Variants in DPP6 observed in about 807,000 individuals in gnomAD.
DPP6 encodes A-type potassium channel modulatory protein DPP6.
DPP6 carries 69 observed loss-of-function variants against 122.6 expected under a neutral mutation model. The observed-to-expected ratio is 0.56, with a 90% CI of 0.46 to 0.69. The LOEUF (loss-of-function observed/expected upper bound fraction) is 0.69, where lower values mean the gene tolerates loss of function less well. Ranked by LOEUF, DPP6 falls within the 30% of genes least tolerant of loss-of-function variation. The pLI, the probability that DPP6 is intolerant of heterozygous loss-of-function variation, is 0.00. For missense variants in DPP6, 928 were observed against 1,116.9 expected (o/e 0.83, Z 2.41); for synonymous variants, 418 against 433.1 (o/e 0.97, Z 0.43).
At chr7:154,509,587 CAT>C (rs1458998387) in intron 3 of DPP6, among the ~76,000 whole-genome samples, 6 of 152,234 alleles carry the variant, frequency 3.9e-5, no homozygotes, top group Non-Finnish European at 5.9e-5. Flanking sequence ...GACAAATAAA[CAT>C]AGAGTTATCC....
intron 1 of DPP6, among the ~76,000 whole-genome samples, chr7:153,907,427 T>A (rs746777718): frequency 6.6e-6 from 1 of 152,152 alleles, no homozygotes; most frequent in Non-Finnish European, 1.5e-5. Flanking sequence ...AGATTAGAAG[T>A]TGTATTGGTA....
At chr7:154,019,073 A>G (rs1563105309) in intron 1 of DPP6, among the ~76,000 whole-genome samples, 1 of 152,230 alleles carries the variant, frequency 6.6e-6, no homozygotes, top group Non-Finnish European at 1.5e-5. Flanking sequence ...CATGTTTGCT[A>G]TCTGTGATGC....
chr7:154,563,449 G>A (rs1389545831), intron 4 of DPP6, among the ~76,000 whole-genome samples: 1 of 152,228 alleles, frequency 6.6e-6, no homozygotes, highest in Non-Finnish European at 1.5e-5. Context: ...ACATATTTGA[G>A]AGATGGCCCT....
rs569246474 is a variant in DPP6, at chr7:154,363,610, G to A, written c.244-82604G>A. On this transcript the variant is annotated intron_variant, in intron 1 of 25. Transcript: ENST00000377770. ...TGATTGGTCCCCTCTGTCTGAGCACGTGCGCGGAAAACCATGCTCCGTGGG... is the reference window on the plus strand; with the variant it reads ...TGATTGGTCCCCTCTGTCTGAGCACATGCGCGGAAAACCATGCTCCGTGGG... Among the ~76,000 whole-genome samples, 137 of 152,280 alleles carry A rather than the reference G, an allele frequency of 9.0e-4. 1 individual carries two copies. The highest frequency in any genetic ancestry group is 3.1e-3 in the African/African-American group (130 of 41,566).
intron 1 of DPP6, among the ~76,000 whole-genome samples, chr7:154,394,872 G>A (rs943473696): frequency 3.3e-5 from 5 of 152,088 alleles, no homozygotes; most frequent in Admixed American, 1.3e-4. Context: ...ATGATTTTAG[G>A]ACTTTTAACA....
chr7:154,025,079 A>G (rs1798903686), intron 1 of DPP6, among the ~76,000 whole-genome samples: 1 of 152,234 alleles, frequency 6.6e-6, no homozygotes, highest in African/African-American at 2.4e-5. Flanking sequence ...TGTCAATTCT[A>G]GAACTCCTTT....
intron 1 of DPP6, among the ~76,000 whole-genome samples, chr7:154,192,249 C>A (rs1477979449): frequency 6.6e-6 from 1 of 152,212 alleles, no homozygotes; most frequent in Non-Finnish European, 1.5e-5. Context: ...CCCAATTGTA[C>A]AACGTCTTGA....
the DPP6 span, among the ~76,000 whole-genome samples, chr7:153,801,566 G>A: frequency 1.3e-5 from 2 of 152,116 alleles, no homozygotes; most frequent in East Asian, 1.9e-4. Flanking sequence ...AGGAAAGGGG[G>A]CCACTCCAGC....
At position 154,381,437 on chromosome 7, in the gene DPP6, C is replaced by G. The variant is rs147782072; in HGVS notation, c.244-64777C>G. 3.9e-5 allele frequency among the ~76,000 whole-genome samples: 6 copies of G among 152,306 alleles called. No homozygotes were observed. In the East Asian group the frequency reaches 1.2e-3, roughly 29 times the overall value. The stretch of plus-strand genomic sequence containing the variant: ...ACACATGTAATGCCTCTATATGGGT[C>G]TGTGTGTACATATCGGTATGTATAG... On this transcript the variant is annotated intron_variant, in intron 1 of 25. Coordinates refer to ENST00000377770, the MANE Select transcript of DPP6 (RefSeq NM_130797.4).
At chr7:154,422,903 C>T (rs1264651349) in intron 1 of DPP6, among the ~76,000 whole-genome samples, 1 of 152,096 alleles carries the variant, frequency 6.6e-6, no homozygotes, top group East Asian at 1.9e-4. Context: ...ATTACTTTTT[C>T]GTAATTTTGT....
At chr7:154,152,886 G>A (rs1796493627) in intron 1 of DPP6, among the ~76,000 whole-genome samples, 1 of 152,214 alleles carries the variant, frequency 6.6e-6, no homozygotes, top group African/African-American at 2.4e-5. Flanking sequence ...GCAAGTACCT[G>A]CCCAAATGTC....
rs966516222 is a variant in DPP6, at chr7:154,365,260, TC to T, written c.244-80949del. On this transcript the variant is annotated intron_variant, in intron 1 of 25. Coordinates refer to ENST00000377770, the MANE Select transcript of DPP6 (RefSeq NM_130797.4). Reference sequence around the variant, plus strand: ...TTTTGCCAAGCTAGGCAGTCACACTTCCCCCAAAAAGAAAAGTAGAAATTAG... The same window carrying T: ...TTTTGCCAAGCTAGGCAGTCACACTTCCCCAAAAAGAAAAGTAGAAATTAG... Among the ~76,000 whole-genome samples the T allele has an allele frequency of 5.3e-5, 8 of 152,094 alleles. No individual in the cohort carries two copies. In the South Asian group the frequency reaches 6.2e-4, roughly 12 times the overall value.
At chr7:154,817,196 G>T (rs1485955977) in intron 16 of DPP6, among the ~76,000 whole-genome samples, 1 of 152,290 alleles carries the variant, frequency 6.6e-6, no homozygotes, top group Admixed American at 6.5e-5. Flanking sequence ...CAGTGAGTAA[G>T]GCAGGGATGA....
At chr7:154,647,211 G>T (rs538542605) in intron 6 of DPP6, among the ~76,000 whole-genome samples, 1 of 152,204 alleles carries the variant, frequency 6.6e-6, no homozygotes, top group South Asian at 2.1e-4. Context: ...TCTGAAGAGG[G>T]AACCTCAGGA....
intron 7 of DPP6, among the ~76,000 whole-genome samples, chr7:154,678,218 G>C (rs562823549): frequency 6.6e-6 from 1 of 152,178 alleles, no homozygotes; most frequent in Non-Finnish European, 1.5e-5. Context: ...GGAAATAAAA[G>C]CTGGCCACCG....
chr7:154,234,806 A>G (rs983949390), intron 1 of DPP6, among the ~76,000 whole-genome samples: 4 of 152,020 alleles, frequency 2.6e-5, no homozygotes, highest in African/African-American at 4.8e-5. Context: ...GGAGATGGCC[A>G]TCTCCTTTCC....
chr7:154,365,691 T>C lies in DPP6; in HGVS notation c.244-80523T>C, dbSNP rs557083170. Among the ~76,000 whole-genome samples the C allele has an allele frequency of 2.5e-3, 379 of 151,586 alleles. 1 individual carries two copies. Among genetic ancestry groups the C allele is most frequent in the African/African-American group, 7.6e-3 (312 of 41,324 alleles). ...GAAGGGGGCCAGGCGCGGTGGCTCA[T>C]GCCTGTAATCCCAGTACTTTGGGAG... On this transcript the variant is annotated intron_variant, in intron 1 of 25. Coordinates refer to ENST00000377770, the MANE Select transcript of DPP6 (RefSeq NM_130797.4).
At chr7:154,727,352 T>G (rs1842115132) in intron 7 of DPP6, among the ~76,000 whole-genome samples, 1 of 152,090 alleles carries the variant, frequency 6.6e-6, no homozygotes, top group African/African-American at 2.4e-5. Flanking sequence ...TTGTGAGAAC[T>G]CCCTCACTAT....
At chr7:154,719,314 T>C (rs552993310) in intron 7 of DPP6, among the ~76,000 whole-genome samples, 10 of 152,250 alleles carry the variant, frequency 6.6e-5, no homozygotes, top group African/African-American at 2.4e-4. Flanking sequence ...CTGTATGGGC[T>C]GGGGATGCCA....
Sources: allele counts gnomAD v4.1 joint callset (sites outside exome capture counted in the v4.1 genomes callset), GRCh38; gene constraint gnomAD v4.1.1; transcripts MANE v1.5; gene names NCBI Gene and HGNC (gene_info 2026-07-23, HGNC 2026-07-21).